Variants in NBEA observed in about 807,000 individuals in gnomAD.
NBEA encodes neurobeachin.
NBEA carries 44 observed loss-of-function variants against 343.4 expected under a neutral mutation model. The observed-to-expected ratio is 0.13, with a 90% CI of 0.10 to 0.16. The LOEUF (loss-of-function observed/expected upper bound fraction) is 0.16, where lower values mean the gene tolerates loss of function less well. Ranked by LOEUF, NBEA falls within the 10% of genes least tolerant of loss-of-function variation. NBEA has a pLI of 1.00. For synonymous variants in NBEA, 1,175 were observed against 1,238.7 expected (o/e 0.95, Z 1.08); for missense variants, 2,555 against 3,631.3 (o/e 0.70, Z 7.62).
intron 32 of NBEA, among the ~76,000 whole-genome samples, chr13:35,210,043 T>G (rs2073662758): frequency 6.6e-6 from 1 of 152,148 alleles, no homozygotes; most frequent in Non-Finnish European, 1.5e-5. Flanking sequence ...GTATATACGT[T>G]AAAAGTGTAA....
chr13:35,347,459 A>G (rs536374917), intron 36 of NBEA, among the ~76,000 whole-genome samples: 7 of 152,244 alleles, frequency 4.6e-5, no homozygotes, highest in African/African-American at 1.4e-4. Flanking sequence ...GACATAGACA[A>G]AGGAACTGAA....
chr13:35,412,849 A>G (rs2043674172), intron 38 of NBEA, among the ~76,000 whole-genome samples: 1 of 152,176 alleles, frequency 6.6e-6, no homozygotes, highest in African/African-American at 2.4e-5. Context: ...ACATTCTGCC[A>G]CCAGCTAGTT....
At chr13:35,628,333 T>C in intron 49 of NBEA, 85 bp downstream of exon 49, 1 of 1,110,532 alleles carries the variant, frequency 9.0e-7, no homozygotes, top group Non-Finnish European at 1.2e-6. Context: ...CTGTATAATT[T>C]TGTTTTCAAC....
chr13:35,342,900 A>G (rs985797034), intron 36 of NBEA, among the ~76,000 whole-genome samples: 1 of 152,010 alleles, frequency 6.6e-6, no homozygotes, highest in Non-Finnish European at 1.5e-5. Flanking sequence ...GTATTGGGCT[A>G]GAATTAAATA....
intron 33 of NBEA, among the ~76,000 whole-genome samples, chr13:35,216,111 A>G (rs888451035): frequency 2.0e-5 from 3 of 151,484 alleles, no homozygotes; most frequent in Non-Finnish European, 3.0e-5. Context: ...TTGCTTTTCA[A>G]TATTATGATT....
rs528384149 is a variant in NBEA, at chr13:35,381,689, A to G, written c.6179+29366A>G. Among the ~76,000 whole-genome samples, 8 of 152,244 alleles carry G rather than the reference A, an allele frequency of 5.3e-5. No homozygotes were observed. In the South Asian group the frequency reaches 1.5e-3, roughly 28 times the overall value. ...CCAGCTAAAGATTAGACCTGGTTCTACCTGGTTCTGTAAGCAACTCAATTT... is the reference window on the plus strand; with the variant it reads ...CCAGCTAAAGATTAGACCTGGTTCTGCCTGGTTCTGTAAGCAACTCAATTT... On this transcript the variant is annotated intron_variant, in intron 38 of 58. Transcript: ENST00000379939.
Position 35,361,810 on chromosome 13 carries a change from A to G in NBEA, c.6179+9487A>G, listed in dbSNP as rs74559532. 1.6e-4 allele frequency among the ~76,000 whole-genome samples: 25 copies of G among 152,162 alleles called. No homozygotes were observed. The East Asian group carries it at 4.6e-3, about 28-fold the overall frequency. ...ACAATGAGAAACAAATATTGTAATT[A>G]AGAAAAGCAACCTAAATATTTTAAC... is the stretch of plus-strand genomic sequence containing the variant. On this transcript the variant is annotated intron_variant, in intron 38 of 58. Transcript: ENST00000379939.
chr13:34,994,902 T>G (rs1385413614), intron 1 of NBEA, among the ~76,000 whole-genome samples: 1 of 152,216 alleles, frequency 6.6e-6, no homozygotes, highest in African/African-American at 2.4e-5. Context: ...ATGATAATGT[T>G]CGTATTTGAA....
chr13:35,341,899 A>G (rs1467893267), intron 36 of NBEA, among the ~76,000 whole-genome samples: 1 of 152,098 alleles, frequency 6.6e-6, no homozygotes, highest in African/African-American at 2.4e-5. Context: ...AATTGAAAAC[A>G]TATGTTCACA....
rs938849365 is a variant in NBEA at position 35,601,676 on chromosome 13, C to T, written c.7297-4750C>T. 8.8e-5 allele frequency among the ~76,000 whole-genome samples: 13 copies of T among 147,508 alleles called. No homozygotes were observed. The South Asian group carries it at 1.5e-3, about 17-fold the overall frequency. ...ACTTGGGAGGCTGAGGCAGAAGAATCGCTTGAACCTGGGAGGTGTAGGTTG... is the reference window on the plus strand; with the variant it reads ...ACTTGGGAGGCTGAGGCAGAAGAATTGCTTGAACCTGGGAGGTGTAGGTTG... On this transcript the variant is annotated intron_variant, in intron 47 of 58. Transcript: ENST00000379939.
At chr13:35,369,387 T>C (rs150091419) in intron 38 of NBEA, among the ~76,000 whole-genome samples, 78 of 151,950 alleles carry the variant, frequency 5.1e-4, no homozygotes, top group South Asian at 1.0e-3. Context: ...TAGGGTTCCA[T>C]ATGAATTTTA....
chr13:35,250,027 A>G (rs2031765259), intron 34 of NBEA, among the ~76,000 whole-genome samples: 1 of 152,170 alleles, frequency 6.6e-6, no homozygotes, highest in Non-Finnish European at 1.5e-5. Flanking sequence ...AGAGTAGTCA[A>G]ATTCAAAGAA....
chr13:35,576,304 A>G (rs1438544414), intron 45 of NBEA, among the ~76,000 whole-genome samples: 3 of 151,570 alleles, frequency 2.0e-5, no homozygotes, highest in Non-Finnish European at 4.4e-5. Flanking sequence ...TTTAGTAGAG[A>G]TGGGGTTTCA....
intron 1 of NBEA, among the ~76,000 whole-genome samples, chr13:34,954,444 ATAGT>A (rs1197726831): frequency 1.3e-5 from 2 of 152,172 alleles, no homozygotes; most frequent in Non-Finnish European, 2.9e-5. Context: ...CATCTTTGGT[ATAGT>A]TAGTTTGCTT....
intron 1 of NBEA, among the ~76,000 whole-genome samples, chr13:34,949,416 A>C (rs1468191140): frequency 6.6e-6 from 1 of 152,226 alleles, no homozygotes; most frequent in East Asian, 1.9e-4. Context: ...GAGAAACCTC[A>C]AGCCTGGTAA....
In NBEA at chr13:34,942,851, G is replaced by T. The variant is rs2059071199; in HGVS notation, c.31G>T (p.Gly11Trp). The T allele has an allele frequency of 7.3e-7, 1 of 1,372,748 alleles. No homozygotes were observed. The highest frequency in any genetic ancestry group is 9.4e-7 in the Non-Finnish European group (1 of 1,060,354). The allele number at this position is 1,372,748 out of a possible 1,614,324, so 85.0% of individuals were successfully genotyped here. MASEKPGPGPGLEPQPVGLIA... is the reference protein window; with the variant it reads MASEKPGPGPWLEPQPVGLIA... ...TAGCGAGAAGCCGGGCCCGGGCCCG[G>T]GGCTCGAGCCTCAGCCCGTGGGGCT... The change falls in exon 1 of 59, where the codon GGG becomes TGG. Residue 11 changes from glycine (G) to tryptophan (W), a missense_variant. Gly to Trp is a radical substitution (Grantham distance 184). Coordinates refer to ENST00000379939, the MANE Select transcript of NBEA (RefSeq NM_001385012.1).
intron 34 of NBEA, among the ~76,000 whole-genome samples, chr13:35,242,243 T>C (rs757592748): frequency 6.6e-5 from 10 of 151,788 alleles, no homozygotes; most frequent in Non-Finnish European, 8.8e-5. Context: ...CAAAAACTAA[T>C]TTGAAGCTGA....
intron 12 of NBEA, among the ~76,000 whole-genome samples, chr13:35,109,883 G>T (rs1242898947): frequency 6.6e-6 from 1 of 151,564 alleles, no homozygotes; most frequent in Admixed American, 6.6e-5. Context: ...GATAATAACA[G>T]AAAATTCTTA....
At chr13:35,578,128 T>C (rs1324926962) in intron 45 of NBEA, among the ~76,000 whole-genome samples, 1 of 152,178 alleles carries the variant, frequency 6.6e-6, no homozygotes, top group African/African-American at 2.4e-5. Context: ...CTAAAAGCTA[T>C]TGTTAGAAGC....
Sources: allele counts gnomAD v4.1 joint callset (sites outside exome capture counted in the v4.1 genomes callset), GRCh38; gene constraint gnomAD v4.1.1; transcripts MANE v1.5; gene names NCBI Gene and HGNC (gene_info 2026-07-23, HGNC 2026-07-21).